Variants in MEMO1 observed in about 807,000 individuals in gnomAD.
The protein encoded by MEMO1 is protein MEMO1.
A neutral mutation model predicts 45.2 loss-of-function variants in MEMO1; 6 were observed. The observed-to-expected ratio is 0.13, with a 90% CI of 0.07 to 0.26. The LOEUF (loss-of-function observed/expected upper bound fraction) is 0.26, where lower values mean the gene tolerates loss of function less well. Among genes scored for constraint, MEMO1 ranks in the 10% least tolerant of loss-of-function variants. The probability of loss-of-function intolerance (pLI) is 1.00; values close to 1 mark genes in which losing one functional copy is unlikely to be tolerated. For synonymous variants in MEMO1, 78 were observed against 124.3 expected, an observed-to-expected ratio of 0.63 and a Z score of 2.48; for missense variants, 184 against 370.5, an observed-to-expected ratio of 0.50 and a Z score of 4.13.
chr2:31,933,348 A>AAAAAATATATATATATATATAT (rs1558514269), intron 3 of MEMO1, among the ~76,000 whole-genome samples: 1 of 16,174 alleles, frequency 6.2e-5, no homozygotes, highest in Non-Finnish European at 1.0e-4. Flanking sequence ...AAAAAAAAAA[A>AAAAAATATATATATATATATAT]ATTTATATAT....
chr2:31,966,592 A>T (rs1044304335), intron 2 of MEMO1, among the ~76,000 whole-genome samples: 1 of 152,056 alleles, frequency 6.6e-6, no homozygotes, highest in African/African-American at 2.4e-5. Context: ...TTAGCCAGGC[A>T]TGGTGGCACG....
intron 2 of MEMO1, among the ~76,000 whole-genome samples, chr2:31,997,233 A>T (rs894253359): frequency 6.6e-6 from 1 of 152,210 alleles, no homozygotes; most frequent in Non-Finnish European, 1.5e-5. Context: ...GGATAAACTC[A>T]AAACTATTCA....
chr2:31,975,695 G>C (rs542987381), intron 2 of MEMO1, among the ~76,000 whole-genome samples: 1 of 152,194 alleles, frequency 6.6e-6, no homozygotes, highest in African/African-American at 2.4e-5. Context: ...GTCCAAATAA[G>C]CATTAGTGCT....
intron 8 of MEMO1, among the ~76,000 whole-genome samples, chr2:31,881,480 G>A (rs1433305792): frequency 8.4e-6 from 1 of 119,102 alleles, no homozygotes; most frequent in Non-Finnish European, 1.7e-5. Context: ...AGGTGATAGA[G>A]TGAGAGCCTG....
intron 6 of MEMO1, among the ~76,000 whole-genome samples, chr2:31,900,122 C>T (rs530474637): frequency 3.9e-5 from 6 of 152,260 alleles, no homozygotes; most frequent in East Asian, 3.9e-4. Context: ...GACAGTGTGG[C>T]GATTCCTCAA....
At position 31,902,327 on chromosome 2, in the gene MEMO1, G is replaced by A. The variant is rs1678975761; in HGVS notation, c.438-10193C>T. Reference sequence around the variant, plus strand: ...GCACGAGAATCATTTGAACCTGGGAGGTGGAGGTTGCGCTGAGCCGAGATC... The same window carrying A: ...GCACGAGAATCATTTGAACCTGGGAAGTGGAGGTTGCGCTGAGCCGAGATC... On this transcript the variant is annotated intron_variant, in intron 6 of 9. Coordinates refer to ENST00000404530, the MANE Select transcript of MEMO1 (RefSeq NM_001301833.4). Among the ~76,000 whole-genome samples, 5 of 152,132 alleles carry A rather than the reference G, an allele frequency of 3.3e-5. No homozygotes were observed. In the South Asian group the frequency reaches 1.0e-3, roughly 32 times the overall value.
intron 2 of MEMO1, among the ~76,000 whole-genome samples, chr2:31,950,682 C>G (rs955003579): frequency 6.7e-5 from 10 of 149,662 alleles, no homozygotes; most frequent in African/African-American, 2.2e-4. Context: ...GATAACGACA[C>G]TGTACTCCAG....
intron 6 of MEMO1, among the ~76,000 whole-genome samples, chr2:31,917,362 C>T (rs76981731): frequency 3.9e-4 from 60 of 152,274 alleles, no homozygotes; most frequent in African/African-American, 1.4e-3. Flanking sequence ...GTGCTGGACA[C>T]TGTGCTAGGC....
intron 6 of MEMO1, among the ~76,000 whole-genome samples, chr2:31,906,266 G>A (rs1377430878): frequency 1.3e-5 from 2 of 150,556 alleles, no homozygotes; most frequent in Admixed American, 6.6e-5. Flanking sequence ...CACCGCACCC[G>A]GCCAAGGAGT....
chr2:31,933,598 A>C (rs1392788994), intron 3 of MEMO1, among the ~76,000 whole-genome samples: 1 of 151,826 alleles, frequency 6.6e-6, no homozygotes, highest in Admixed American at 6.6e-5. Flanking sequence ...AAATGGTCCT[A>C]ATCTGAAGTA....
At position 31,992,789 on chromosome 2, in the gene MEMO1, T is replaced by A. The variant is rs552020994; in HGVS notation, c.61+17398A>T. Among the ~76,000 whole-genome samples the A allele has an allele frequency of 1.2e-4, 18 of 147,990 alleles. No individual in the cohort carries two copies. The East Asian group carries it at 2.4e-3, about 19-fold the overall frequency. On this transcript the variant is annotated intron_variant, in intron 2 of 9. Coordinates refer to ENST00000404530, the MANE Select transcript of MEMO1 (RefSeq NM_001301833.4). ...ACAGAGTGAGACTCCGTCTCAAATTTAAAAAAAAAATGAATTAATAAAATA... is the reference window on the plus strand; with the variant it reads ...ACAGAGTGAGACTCCGTCTCAAATTAAAAAAAAAAATGAATTAATAAAATA...
At chr2:31,900,489 T>C (rs1678619326) in intron 6 of MEMO1, among the ~76,000 whole-genome samples, 2 of 151,590 alleles carry the variant, frequency 1.3e-5, no homozygotes, top group African/African-American at 4.9e-5. Flanking sequence ...AGTGAGAACA[T>C]ATGGACACAG....
intron 2 of MEMO1, among the ~76,000 whole-genome samples, chr2:31,955,496 T>G (rs1374037070): frequency 6.6e-6 from 1 of 152,236 alleles, no homozygotes; most frequent in Non-Finnish European, 1.5e-5. Context: ...AAACTCAGAC[T>G]CTTAGACCCT....
intron 4 of MEMO1, among the ~76,000 whole-genome samples, chr2:31,927,234 C>T (rs573734146): frequency 1.4e-4 from 22 of 152,136 alleles, no homozygotes; most frequent in Non-Finnish European, 3.1e-4. Flanking sequence ...GCAGGAGAAT[C>T]ACTTGAATCC....
intron 2 of MEMO1, among the ~76,000 whole-genome samples, chr2:31,982,461 A>C (rs987928592): frequency 2.9e-5 from 4 of 139,742 alleles, no homozygotes; most frequent in Non-Finnish European, 6.2e-5. Flanking sequence ...ATGGAGGTGA[A>C]CGCCTGTAAT....
chr2:31,920,774 G>A, intron 5 of MEMO1, 24 bp downstream of exon 5: 3 of 1,345,472 alleles, frequency 2.2e-6, no homozygotes, highest in Non-Finnish European at 3.0e-6. Context: ...CTATTTGAAA[G>A]CTATAATATT....
intron 2 of MEMO1, among the ~76,000 whole-genome samples, chr2:31,951,705 G>T (rs929964392): frequency 1.1e-4 from 17 of 151,758 alleles, no homozygotes; most frequent in Non-Finnish European, 2.2e-4. Context: ...GCTAATTTTT[G>T]TACTTTAGTA....
intron 4 of MEMO1, among the ~76,000 whole-genome samples, chr2:31,927,755 T>G (rs1683323213): frequency 6.6e-6 from 1 of 152,190 alleles, no homozygotes. Flanking sequence ...TTGTTTACTT[T>G]TTTAAATAAT....
chr2:31,913,107 A>T (rs537440620), intron 6 of MEMO1, among the ~76,000 whole-genome samples: 1 of 152,014 alleles, frequency 6.6e-6, no homozygotes, highest in South Asian at 2.1e-4. Flanking sequence ...TCTACTAAAA[A>T]TACAAAAATT....
Sources: gnomAD v4.1 joint callset for allele counts (sites outside exome capture counted in the v4.1 genomes callset) on GRCh38, gnomAD v4.1.1 for gene constraint, MANE v1.5 for transcripts, NCBI Gene and HGNC (gene_info 2026-07-23, HGNC 2026-07-21) for gene names.